The following CACUL1 variants were observed in gnomAD, a reference collection of about 807,000 sequenced individuals.
The protein encoded by CACUL1 is CDK2-associated and cullin domain-containing protein 1.
In CACUL1, 13 loss-of-function variants were observed where a neutral mutation model predicts 45.2. The observed-to-expected ratio is 0.29, with a 90% CI of 0.19 to 0.46. CACUL1 has a LOEUF of 0.46. CACUL1 is among the 20% of genes least tolerant of loss of function. CACUL1 has a pLI of 1.00. For missense variants in CACUL1, 421 were observed against 471.4 expected (o/e 0.89, Z 0.99); for synonymous variants, 197 against 174.2 (o/e 1.13, Z -1.03).
chr10:118,734,250 C>T (rs1845722049), intron 1 of CACUL1, among the ~76,000 whole-genome samples: 1 of 152,182 alleles, frequency 6.6e-6, no homozygotes, highest in East Asian at 1.9e-4. Context: ...AAAAATCACT[C>T]ATAATTTCAC....
chr10:118,691,123 G>A (rs1045752157), intron 7 of CACUL1, 142 bp downstream of exon 7: 1 of 678,038 alleles, frequency 1.5e-6, no homozygotes, highest in Non-Finnish European at 2.5e-6. Flanking sequence ...CTACAGACAA[G>A]GAGCTAATGT....
chr10:118,748,432 T>C (rs1845865759), intron 1 of CACUL1, among the ~76,000 whole-genome samples: 1 of 152,084 alleles, frequency 6.6e-6, no homozygotes, highest in African/African-American at 2.4e-5. Context: ...CTCTTGGGAC[T>C]TGGGGGAAGG....
rs780801557 is a variant in CACUL1, at chr10:118,691,319, T to C, written c.971A>G (p.Tyr324Cys). The change falls in exon 7 of 9, where the codon TAT (tyrosine) becomes TGT (cysteine). Residue 324 changes from tyrosine (Y) to cysteine (C), a missense_variant. Coordinates refer to ENST00000369151, the MANE Select transcript of CACUL1 (RefSeq NM_153810.5). ...PPAVESELSE[Y>C]AAQDQKFQRE... ...TTGAAATTTCTGATCTTGAGCAGCA[T>C]ATTCAGAAAGTTCAGATTCCACCGC... 7 of 1,612,994 alleles carry C rather than the reference T, an allele frequency of 4.3e-6. No homozygotes were observed. Among genetic ancestry groups the C allele is most frequent in the Non-Finnish European group, 5.9e-6 (7 of 1,179,100 alleles).
intron 1 of CACUL1, among the ~76,000 whole-genome samples, chr10:118,748,096 A>G (rs968692025): frequency 2.0e-5 from 3 of 151,964 alleles, no homozygotes; most frequent in African/African-American, 7.2e-5. Flanking sequence ...AAAAAAAAAG[A>G]GAGAGACAGA....
At chr10:118,707,708 A>C in intron 3 of CACUL1, 121 bp from the exon 4 acceptor site, 1 of 530,636 alleles carries the variant, frequency 1.9e-6, no homozygotes, top group South Asian at 2.8e-5. Flanking sequence ...TAACAAAAAA[A>C]AAAAAAAAGG....
At chr10:118,742,034 A>T (rs1845797810) in intron 1 of CACUL1, among the ~76,000 whole-genome samples, 2 of 152,226 alleles carry the variant, frequency 1.3e-5, no homozygotes, top group Non-Finnish European at 2.9e-5. Flanking sequence ...AATGCTACCA[A>T]ATACATAGCT....
chr10:118,703,237 C>T (rs1845401157), intron 4 of CACUL1, among the ~76,000 whole-genome samples: 1 of 149,314 alleles, frequency 6.7e-6, no homozygotes, highest in South Asian at 2.1e-4. Flanking sequence ...CAAAAGGTCC[C>T]ATTCTACACT....
At chr10:118,739,625 T>C (rs1845773451) in intron 1 of CACUL1, among the ~76,000 whole-genome samples, 1 of 152,178 alleles carries the variant, frequency 6.6e-6, no homozygotes, top group Non-Finnish European at 1.5e-5. Flanking sequence ...CTAGAAGATA[T>C]GCTCTATATA....
At chr10:118,704,982 AG>A (rs762281357) in intron 4 of CACUL1, among the ~76,000 whole-genome samples, 68 of 152,372 alleles carry the variant, frequency 4.5e-4, no homozygotes, top group South Asian at 4.1e-4. Flanking sequence ...ACTGCCAGCC[AG>A]GGGTCCCCAG....
chr10:118,716,758 A>G (rs1402812989), intron 3 of CACUL1, among the ~76,000 whole-genome samples: 1 of 151,814 alleles, frequency 6.6e-6, no homozygotes, highest in Non-Finnish European at 1.5e-5. Flanking sequence ...ACCCGCCACC[A>G]CGCCTGCCTA....
At chr10:118,703,625 C>G (rs1293929419) in intron 4 of CACUL1, among the ~76,000 whole-genome samples, 3 of 152,130 alleles carry the variant, frequency 2.0e-5, no homozygotes, top group Admixed American at 6.5e-5. Flanking sequence ...ATATTAAACT[C>G]TTAACAATAA....
Position 118,683,156 on chromosome 10 carries a change from T to C in CACUL1, c.*2972A>G, listed in dbSNP as rs555029552. On this transcript the variant is annotated 3_prime_UTR_variant, in exon 9 of 9. Transcript: ENST00000369151. ...TACCGTCTCTCAAAACAATTATCGATTTACTTTTACATGTCATTTTTTCAA... is the reference window on the plus strand; with the variant it reads ...TACCGTCTCTCAAAACAATTATCGACTTACTTTTACATGTCATTTTTTCAA... The C allele has an allele frequency of 2.0e-5, 3 of 152,200 alleles. No individual in the cohort carries two copies. In the East Asian group the frequency reaches 5.8e-4, roughly 29 times the overall value. 9.4% of individuals were successfully genotyped at this position (152,200 alleles called of 1,614,324 possible).
chr10:118,695,099 TAACA>T, intron 6 of CACUL1, 38 bp downstream of exon 6: 1 of 1,190,684 alleles, frequency 8.4e-7, no homozygotes, highest in East Asian at 2.3e-5. Context: ...GAAAAGGCTG[TAACA>T]AACAGTTCCA....
At position 118,729,299 on chromosome 10, in the gene CACUL1, A is replaced by G; in HGVS notation, c.593T>C (p.Leu198Pro). Residue 198 changes from leucine (L) to proline (P), a missense_variant, in exon 3 of 9, where the codon CTG becomes CCG. This residue lies in a region of CACUL1 where 208 missense variants were observed against 298.4 expected (regional missense o/e 0.70). Transcript: ENST00000369151. ...TNHLERVSKE[L>P]QASPPDLYIE... Reference sequence around the variant, plus strand: ...TCAATACAATCAGTTCTTTACCTGCAGCTCCTTTGAGACTCTCTCTAAGTG... The same window carrying G: ...TCAATACAATCAGTTCTTTACCTGCGGCTCCTTTGAGACTCTCTCTAAGTG... 6.2e-7 allele frequency: 1 copy of G among 1,610,840 alleles called. No individual in the cohort carries two copies. Among genetic ancestry groups the G allele is most frequent in the Non-Finnish European group, 8.5e-7 (1 of 1,177,536 alleles).
chr10:118,711,613 C>A (rs1564832588), intron 3 of CACUL1, among the ~76,000 whole-genome samples: 1 of 152,086 alleles, frequency 6.6e-6, no homozygotes, highest in Non-Finnish European at 1.5e-5. Context: ...GTTGTTTTTA[C>A]AAAAGATCAC....
At chr10:118,718,351 C>T (rs1239833451) in intron 3 of CACUL1, among the ~76,000 whole-genome samples, 2 of 151,874 alleles carry the variant, frequency 1.3e-5, no homozygotes. Flanking sequence ...AGGGGAGAGT[C>T]GGGGAGGGAA....
chr10:118,688,123 G>T (rs913626848), intron 7 of CACUL1, among the ~76,000 whole-genome samples: 3 of 152,222 alleles, frequency 2.0e-5, no homozygotes, highest in Non-Finnish European at 4.4e-5. Context: ...AGCTAGGTAA[G>T]GAGCCTCAAC....
At position 118,700,716 on chromosome 10, in the gene CACUL1, C is replaced by CAAAAAAAAAAAA. The variant is rs59032746; in HGVS notation, c.796+578_796+589dup. ...TAGGCGACAGAGCGAGACTCCGTCT[C>CAAAAAAAAAAAA]AAAAAAAAAAAAAAAAAAAGAATGG... On this transcript the variant is annotated intron_variant, in intron 5 of 8. Coordinates refer to ENST00000369151, the MANE Select transcript of CACUL1 (RefSeq NM_153810.5). 1.5e-3 allele frequency among the ~76,000 whole-genome samples: 198 copies of CAAAAAAAAAAAA among 132,872 alleles called. 3 individuals are homozygous for CAAAAAAAAAAAA. The highest frequency in any genetic ancestry group is 5.7e-3 in the African/African-American group (182 of 31,710). 87.2% of individuals were successfully genotyped at this position (132,872 alleles called of 152,430 possible).
chr10:118,700,843 A>C (rs1330912776), intron 5 of CACUL1, among the ~76,000 whole-genome samples: 1 of 152,230 alleles, frequency 6.6e-6, no homozygotes, highest in Non-Finnish European at 1.5e-5. Context: ...TCAGGGCCAC[A>C]AGAGGCAAAG....
Sources: allele counts gnomAD v4.1 joint callset (sites outside exome capture counted in the v4.1 genomes callset), GRCh38; gene constraint gnomAD v4.1.1; regional missense constraint gnomAD v4.1.1; transcripts MANE v1.5; gene names NCBI Gene and HGNC (gene_info 2026-07-23, HGNC 2026-07-21).